MRPS28: variants seen among roughly 807,000 people sequenced by gnomAD.
MRPS28 encodes mitochondrial ribosomal protein S28, also known as small ribosomal subunit protein bS1m.
Under a neutral mutation model 10.8 loss-of-function variants are expected in MRPS28, and 7 were observed. That is an observed-to-expected ratio of 0.65 (90% CI 0.37 to 1.22). MRPS28 has a LOEUF of 1.22. MRPS28 is among the 50% of genes most tolerant of loss of function. MRPS28 has a pLI of 0.02. For missense variants in MRPS28, 265 were observed against 232.9 expected, an observed-to-expected ratio of 1.14 and a Z score of -0.90; for synonymous variants, 121 against 93.3, an observed-to-expected ratio of 1.30 and a Z score of -1.71.
chr8:80,022,993 G>A (rs1563545641), intron 1 of MRPS28, among the ~76,000 whole-genome samples: 1 of 152,114 alleles, frequency 6.6e-6, no homozygotes, highest in Non-Finnish European at 1.5e-5. Flanking sequence ...GAAATGTATA[G>A]TACTGCTTAT....
At chr8:79,988,888 T>G (rs1286312969) in intron 2 of MRPS28, among the ~76,000 whole-genome samples, 1 of 152,204 alleles carries the variant, frequency 6.6e-6, no homozygotes, top group Non-Finnish European at 1.5e-5. Context: ...ATCTGCTTCC[T>G]GCCATTTTTA....
At chr8:80,028,029 G>A (rs1254074659) in intron 1 of MRPS28, among the ~76,000 whole-genome samples, 1 of 152,028 alleles carries the variant, frequency 6.6e-6, no homozygotes, top group Non-Finnish European at 1.5e-5. Context: ...GCCTTGGAAA[G>A]GAAAGGAAAG....
intron 2 of MRPS28, among the ~76,000 whole-genome samples, chr8:79,938,570 C>G (rs1314797919): frequency 6.6e-6 from 1 of 151,974 alleles, no homozygotes; most frequent in Non-Finnish European, 1.5e-5. Context: ...GGGAATGCCA[C>G]CAGATTAAAA....
chr8:80,002,438 A>G (rs571674738), intron 2 of MRPS28, among the ~76,000 whole-genome samples: 38 of 152,282 alleles, frequency 2.5e-4, no homozygotes, highest in African/African-American at 7.7e-4. Context: ...CTATTGTTCT[A>G]TTGTTTTCCC....
At chr8:80,002,402 A>G (rs780405169) in intron 2 of MRPS28, among the ~76,000 whole-genome samples, 7 of 152,012 alleles carry the variant, frequency 4.6e-5, no homozygotes, top group Non-Finnish European at 7.4e-5. Context: ...ATTGATGGGG[A>G]AAAAAAATCA....
intron 2 of MRPS28, among the ~76,000 whole-genome samples, chr8:79,954,302 C>T (rs1807150613): frequency 6.6e-6 from 1 of 152,108 alleles, no homozygotes; most frequent in Admixed American, 6.6e-5. Flanking sequence ...TAAACATACG[C>T]ATATCCTATG....
chr8:79,925,621 T>A (rs1278410759), intron 2 of MRPS28, among the ~76,000 whole-genome samples: 2 of 152,212 alleles, frequency 1.3e-5, no homozygotes, highest in African/African-American at 4.8e-5. Context: ...GGAATATGCA[T>A]ATAATACATT....
intron 2 of MRPS28, among the ~76,000 whole-genome samples, chr8:79,999,177 T>C (rs1337820927): frequency 1.3e-5 from 2 of 152,216 alleles, no homozygotes; most frequent in African/African-American, 4.8e-5. Context: ...TTCAGCCTCC[T>C]AGAAGCTGCT....
At chr8:79,933,384 C>T (rs1586043064) in intron 2 of MRPS28, among the ~76,000 whole-genome samples, 1 of 152,296 alleles carries the variant, frequency 6.6e-6, no homozygotes, top group East Asian at 1.9e-4. Context: ...AGGGCCTCAA[C>T]CCTTAGACCT....
chr8:80,008,485 C>T (rs1489399384), intron 1 of MRPS28, among the ~76,000 whole-genome samples: 1 of 152,168 alleles, frequency 6.6e-6, no homozygotes, highest in Non-Finnish European at 1.5e-5. Flanking sequence ...AGTGAACAGG[C>T]AACCTACAGA....
At chr8:79,972,000 C>G (rs1563529856) in intron 2 of MRPS28, among the ~76,000 whole-genome samples, 1 of 152,092 alleles carries the variant, frequency 6.6e-6, no homozygotes, top group East Asian at 1.9e-4. Flanking sequence ...GTGCCCAGCC[C>G]CATTACTTTT....
At chr8:79,932,437 C>T (rs1263261013) in intron 2 of MRPS28, among the ~76,000 whole-genome samples, 2 of 152,022 alleles carry the variant, frequency 1.3e-5, no homozygotes, top group Non-Finnish European at 2.9e-5. Flanking sequence ...CAAAGGCTCA[C>T]GGTAGGGTAA....
intron 2 of MRPS28, among the ~76,000 whole-genome samples, chr8:79,949,175 G>T (rs189830010): frequency 5.2e-4 from 79 of 152,200 alleles, no homozygotes; most frequent in South Asian, 2.1e-3. Flanking sequence ...CAACACTTTG[G>T]GAGGCCAAGG....
intron 1 of MRPS28, among the ~76,000 whole-genome samples, chr8:80,013,694 G>GAT (rs1252511560): frequency 1.4e-5 from 2 of 147,390 alleles, no homozygotes; most frequent in African/African-American, 5.0e-5. Context: ...TAAAAGTAAT[G>GAT]AAATGGTATA....
intron 2 of MRPS28, among the ~76,000 whole-genome samples, chr8:79,965,335 T>G (rs1480816444): frequency 6.6e-6 from 1 of 152,094 alleles, no homozygotes; most frequent in Admixed American, 6.6e-5. Context: ...GATCTTGTCA[T>G]AAATATAACA....
chr8:80,018,295 C>CAAAA (rs55883340), intron 1 of MRPS28, among the ~76,000 whole-genome samples: 649 of 52,546 alleles, frequency 0.012, 52 homozygotes, highest in African/African-American at 0.044. Context: ...TACTCTGTCT[C>CAAAA]AAAAAAAAAA....
At position 79,929,525 on chromosome 8, in the gene MRPS28, G is replaced by A. The variant is rs368167945; in HGVS notation, c.396-10377C>T. ...TTAGCAGACTGGAAAAAAACAGCAA[G>A]AGGACCCTAAACCTGTCTGAATTTG... On this transcript the variant is annotated intron_variant, in intron 2 of 2. Coordinates refer to ENST00000276585, the MANE Select transcript of MRPS28 (RefSeq NM_014018.3). Among the ~76,000 whole-genome samples the A allele has an allele frequency of 3.9e-5, 6 of 152,188 alleles. 1 individual carries two copies. Among genetic ancestry groups the A allele is most frequent in the Admixed American group, 6.5e-5 (1 of 15,270 alleles).
intron 2 of MRPS28, among the ~76,000 whole-genome samples, chr8:79,991,980 G>C (rs1228166874): frequency 6.8e-6 from 1 of 147,778 alleles, no homozygotes; most frequent in Non-Finnish European, 1.5e-5. Context: ...TATGGGGGAA[G>C]TTGCTATGTT....
chr8:80,025,259 C>A (rs1009134646), intron 1 of MRPS28, among the ~76,000 whole-genome samples: 2 of 152,100 alleles, frequency 1.3e-5, no homozygotes, highest in Non-Finnish European at 2.9e-5. Flanking sequence ...AAGATGATAA[C>A]CCCAGTTTCC....
Sources: allele counts gnomAD v4.1 joint callset (sites outside exome capture counted in the v4.1 genomes callset), GRCh38; gene constraint gnomAD v4.1.1; transcripts MANE v1.5; gene names NCBI Gene and HGNC (gene_info 2026-07-23, HGNC 2026-07-21).